The following KCNJ14 variants were observed in gnomAD, a reference collection of about 807,000 sequenced individuals.
KCNJ14 encodes potassium inwardly rectifying channel subfamily J member 14.
In KCNJ14, 18 loss-of-function variants were observed where a neutral mutation model predicts 24.5. The observed-to-expected ratio is 0.74, with a 90% CI of 0.51 to 1.09. The LOEUF (loss-of-function observed/expected upper bound fraction) is 1.09. KCNJ14 is among the 50% of genes least tolerant of loss of function. The pLI is 0.00. For synonymous variants in KCNJ14, 288 were observed against 270.8 expected, an observed-to-expected ratio of 1.06 and a Z score of -0.63; for missense variants, 633 against 623.0, an observed-to-expected ratio of 1.02 and a Z score of -0.17.
At chr19:48,457,392 G>A (rs545735653) in intron 1 of KCNJ14, among the ~76,000 whole-genome samples, 12 of 152,326 alleles carry the variant, frequency 7.9e-5, no homozygotes, top group African/African-American at 2.9e-4. Context: ...AAAGAAGCCA[G>A]AGATCCCAGG....
At position 48,466,014 on chromosome 19, in the gene KCNJ14, G is replaced by A. The variant is rs1971651332; in HGVS notation, c.*1237G>A. On this transcript the variant is annotated 3_prime_UTR_variant, in exon 3 of 3. Coordinates refer to ENST00000342291, the MANE Select transcript of KCNJ14 (RefSeq NM_013348.4). ...TGGACAAGGGAAGGGGGAGGCCCAGGGCTGGTGAGTCTAGAATGCTCTGGA... is the reference window on the plus strand; with the variant it reads ...TGGACAAGGGAAGGGGGAGGCCCAGAGCTGGTGAGTCTAGAATGCTCTGGA... 6.6e-6 allele frequency: 1 copy of A among 152,346 alleles called. No individual in the cohort carries two copies. The allele number at this position is 152,346 out of a possible 1,614,324, so 9.4% of individuals were successfully genotyped here.
rs774201345 is a variant in KCNJ14, at chr19:48,462,444, C to G, written c.714+6C>G. 4.8e-6 allele frequency: 7 copies of G among 1,462,286 alleles called. No individual in the cohort carries two copies. In the South Asian group the frequency reaches 9.9e-5, roughly 21 times the overall value. The allele number at this position is 1,462,286 out of a possible 1,614,324, so 90.6% of individuals were successfully genotyped here. A position where few individuals can be genotyped will look rare whatever the true frequency, so the allele number is the denominator to read the frequency against. On this transcript the variant is annotated splice_donor_region_variant and intron_variant, in intron 2 of 2. Coordinates refer to ENST00000342291, the MANE Select transcript of KCNJ14 (RefSeq NM_013348.4). This position sits in a 1 kb window ranked among gnomAD's most constrained non-coding sequence, Gnocchi z 4.9. ...TGCGTGCCCAGCTGCTGCAGGTGCG[C>G]CCGGGAGGAGAGGCGGGGACTTCCG...
rs375395301 is a variant in KCNJ14, at chr19:48,464,793, C to G, written c.*16C>G. The G allele has an allele frequency of 1.5e-4, 235 of 1,568,736 alleles. 1 individual carries two copies. Among genetic ancestry groups the G allele is most frequent in the Non-Finnish European group, 1.9e-4 (215 of 1,152,388 alleles). Reference sequence around the variant, plus strand: ...GCCTCCATGATGCAAACTGATGTCCCCTTCCCCGTGTATGCCCCCTTCCCC... The same window carrying G: ...GCCTCCATGATGCAAACTGATGTCCGCTTCCCCGTGTATGCCCCCTTCCCC... On this transcript the variant is annotated 3_prime_UTR_variant, in exon 3 of 3. Coordinates refer to ENST00000342291, the MANE Select transcript of KCNJ14 (RefSeq NM_013348.4).
rs1404805059 is a variant in KCNJ14, at chr19:48,461,752, C to G, written c.28C>G (p.Leu10Val). The G allele has an allele frequency of 2.1e-6, 3 of 1,441,582 alleles. No individual in the cohort carries two copies. The allele number at this position is 1,441,582 out of a possible 1,614,324, so 89.3% of individuals were successfully genotyped here. Residue 10 changes from leucine to valine, a missense_variant, in exon 2 of 3, where the codon CTC becomes GTC. Physicochemically the swap from Leu to Val is conservative, Grantham distance 32 (BLOSUM62 1). Coordinates refer to ENST00000342291, the MANE Select transcript of KCNJ14 (RefSeq NM_013348.4). MGLARALRR[L>V]SGALDSGDSR... ...GGGCCTGGCCAGGGCCCTACGCCGC[C>G]TCAGCGGCGCCCTGGATTCGGGAGA...
At chr19:48,461,538 A>G (rs957617809) in intron 1 of KCNJ14, 132 bp from the exon 2 acceptor site, 1 of 389,146 alleles carries the variant, frequency 2.6e-6, no homozygotes. Flanking sequence ...CAAAAAAAAA[A>G]AAAAAAAAAA....
chr19:48,461,943 C>T lies in KCNJ14; in HGVS notation c.219C>T (p.Tyr73=), dbSNP rs550685948. ...ACCTGGGTGGCCAGGGCGCGCGCTA[C>T]CTGAGCGACCTGTTCACCACATGCG... ...FVNLGGQGAR[Y]LSDLFTTCVD... is the part of the protein sequence containing the mutation. Residue 73 remains tyrosine, a synonymous_variant, in exon 2 of 3, where the codon TAC becomes TAT. Transcript: ENST00000342291. 3.7e-6 allele frequency: 6 copies of T among 1,612,580 alleles called. No individual in the cohort carries two copies. The highest frequency in any genetic ancestry group is 4.5e-5 in the East Asian group (2 of 44,848).
chr19:48,462,406 G>T lies in KCNJ14; in HGVS notation c.682G>T (p.Val228Phe), dbSNP rs781660850. The T allele has an allele frequency of 2.0e-6, 3 of 1,509,094 alleles. No individual in the cohort carries two copies. The highest frequency in any genetic ancestry group is 1.8e-6 in the Non-Finnish European group (2 of 1,123,504). The allele number at this position is 1,509,094 out of a possible 1,614,324, so 93.5% of individuals were successfully genotyped here. ...RVGNLRRSHL[V>F]EAHVRAQLLQ... ...CGGCAACCTGCGCCGCAGCCACCTGGTCGAGGCCCACGTGCGTGCCCAGCT... is the reference window on the plus strand; with the variant it reads ...CGGCAACCTGCGCCGCAGCCACCTGTTCGAGGCCCACGTGCGTGCCCAGCT... Residue 228 changes from valine (V) to phenylalanine (F), a missense_variant, in exon 2 of 3, where the codon GTC becomes TTC. By Grantham distance (50) the Val-to-Phe change is conservative. Coordinates refer to ENST00000342291, the MANE Select transcript of KCNJ14 (RefSeq NM_013348.4). This position sits in a 1 kb window ranked among gnomAD's most constrained non-coding sequence, Gnocchi z 4.9.
rs139435717 is a variant in KCNJ14 at position 48,458,318 on chromosome 19, A to G, written c.-56+2460A>G. 3.3e-5 allele frequency among the ~76,000 whole-genome samples: 5 copies of G among 152,318 alleles called. No homozygotes were observed. The East Asian group carries it at 9.6e-4, about 29-fold the overall frequency. On this transcript the variant is annotated intron_variant, in intron 1 of 2. Transcript: ENST00000342291. ...TCATTCCCCACAGCAGTGTATGAGG[A>G]TGCCAATTTCTCCACATTCTCGCCA...
intron 1 of KCNJ14, among the ~76,000 whole-genome samples, chr19:48,460,903 C>A (rs537254425): frequency 6.6e-6 from 1 of 152,010 alleles, no homozygotes; most frequent in African/African-American, 2.4e-5. Context: ...GGCCTGTAAT[C>A]CCAGCACTTG....
chr19:48,459,020 C>T (rs1462084020), intron 1 of KCNJ14, among the ~76,000 whole-genome samples: 1 of 147,198 alleles, frequency 6.8e-6, no homozygotes, highest in African/African-American at 2.5e-5. Context: ...ACAGGCGGAT[C>T]ACGAGGTCAG....
At position 48,462,220 on chromosome 19, in the gene KCNJ14, G is replaced by A. The variant is rs1490724128; in HGVS notation, c.496G>A (p.Val166Met). The change falls in exon 2 of 3, where the codon GTG (valine) becomes ATG (methionine). Residue 166 changes from valine to methionine, a missense_variant. Transcript: ENST00000342291. The surrounding 1 kb of genome is among the most constrained non-coding windows in gnomAD (Gnocchi z 4.9). ...TEECPAAVAA[V>M]VLQCIAGCVL... Reference sequence around the variant, plus strand: ...GGAGTGCCCGGCCGCTGTGGCCGCCGTGGTGCTGCAGTGCATTGCCGGCTG... The same window carrying A: ...GGAGTGCCCGGCCGCTGTGGCCGCCATGGTGCTGCAGTGCATTGCCGGCTG... 3.2e-6 allele frequency: 5 copies of A among 1,552,450 alleles called. No individual in the cohort carries two copies. Among genetic ancestry groups the A allele is most frequent in the South Asian group, 1.2e-5 (1 of 84,510 alleles).
intron 2 of KCNJ14, among the ~76,000 whole-genome samples, chr19:48,463,863 C>T (rs1052422993): frequency 2.6e-5 from 4 of 152,058 alleles, no homozygotes; most frequent in South Asian, 2.1e-4. Context: ...CCCCTCTTCC[C>T]GTTTTCTACC....
Position 48,461,808 on chromosome 19 carries a change from G to C in KCNJ14, c.84G>C (p.Gly28=). 3.3e-6 allele frequency: 5 copies of C among 1,493,196 alleles called. No homozygotes were observed. The highest frequency in any genetic ancestry group is 4.4e-6 in the Non-Finnish European group (5 of 1,124,254). 92.5% of individuals were successfully genotyped at this position (1,493,196 alleles called of 1,614,324 possible). A position where few individuals can be genotyped will look rare whatever the true frequency, so the allele number is the denominator to read the frequency against. Residue 28 remains glycine, a synonymous_variant, in exon 2 of 3, where the codon GGG becomes GGC. Coordinates refer to ENST00000342291, the MANE Select transcript of KCNJ14 (RefSeq NM_013348.4). ...GGGCGGGCGATGAAGAGGAGGCCGG[G>C]CCCGGGTTGTGCCGCAACGGGTGGG... The part of the protein sequence containing the change: ...DSRAGDEEEA[G]PGLCRNGWAP...
In KCNJ14 at chr19:48,462,987, C is replaced by T. The variant is rs908835027; in HGVS notation, c.714+549C>T. On this transcript the variant is annotated intron_variant, in intron 2 of 2. Transcript: ENST00000342291. This position sits in a 1 kb window ranked among gnomAD's most constrained non-coding sequence, Gnocchi z 4.9. ...TCTCCAGGCCTCTAGGTGTGGGGTCCTGCGGCATCTGTGGGAGAATTCATT... is the reference window on the plus strand; with the variant it reads ...TCTCCAGGCCTCTAGGTGTGGGGTCTTGCGGCATCTGTGGGAGAATTCATT... Among the ~76,000 whole-genome samples the T allele has an allele frequency of 1.3e-5, 2 of 152,178 alleles. No homozygotes were observed. Among genetic ancestry groups the T allele is most frequent in the African/African-American group, 2.4e-5 (1 of 41,450 alleles).
intron 1 of KCNJ14, among the ~76,000 whole-genome samples, chr19:48,460,864 GGTGA>G (rs761859562): frequency 2.6e-5 from 4 of 152,110 alleles, no homozygotes; most frequent in Non-Finnish European, 5.9e-5. Flanking sequence ...CAACTTGGAA[GGTGA>G]GTATGGGCCA....
rs1032306591 is a variant in KCNJ14, at chr19:48,464,301, G to A, written c.835G>A (p.Asp279Asn). The change falls in exon 3 of 3, where the codon GAC becomes AAC. Residue 279 changes from aspartate to asparagine, a missense_variant. Asp to Asn is a conservative substitution (Grantham distance 23). Coordinates refer to ENST00000342291, the MANE Select transcript of KCNJ14 (RefSeq NM_013348.4). ...CCCCATCACCATCGTCCATGAGATC[G>A]ACTCTGCCAGTCCTCTGTATGAGCT... is the stretch of plus-strand genomic sequence containing the variant. ...VSPITIVHEI[D>N]SASPLYELGR... 18 of 1,613,872 alleles carry A rather than the reference G, an allele frequency of 1.1e-5. No individual in the cohort carries two copies. In the East Asian group the frequency reaches 1.8e-4, roughly 16 times the overall value.
Position 48,461,953 on chromosome 19 carries a change from C to T in KCNJ14, c.229C>T (p.Leu77=), listed in dbSNP as rs759165088. ...CCAGGGCGCGCGCTACCTGAGCGAC[C>T]TGTTCACCACATGCGTGGACGTGCG... ...GGQGARYLSD[L]FTTCVDVRWR... Residue 77 remains leucine, a synonymous_variant, in exon 2 of 3, where the codon CTG becomes TTG. Coordinates refer to ENST00000342291, the MANE Select transcript of KCNJ14 (RefSeq NM_013348.4). 9.9e-6 allele frequency: 16 copies of T among 1,612,958 alleles called. No homozygotes were observed. Among genetic ancestry groups the T allele is most frequent in the Non-Finnish European group, 1.4e-5 (16 of 1,179,584 alleles).
At position 48,466,751 on chromosome 19, in the gene KCNJ14, G is replaced by A. The variant is rs566015280; in HGVS notation, c.*1974G>A. 5.3e-5 allele frequency: 8 copies of A among 152,374 alleles called. No individual in the cohort carries two copies. The highest frequency in any genetic ancestry group is 1.9e-4 in the African/African-American group (8 of 41,562). The allele number at this position is 152,374 out of a possible 1,614,324, so 9.4% of individuals were successfully genotyped here. A position where few individuals can be genotyped will look rare whatever the true frequency, so the allele number is the denominator to read the frequency against. ...AGTGCTGGATCATACGGCCTTCCAG[G>A]AGACGCTGGGATGTAAGATACTCTT... On this transcript the variant is annotated 3_prime_UTR_variant, in exon 3 of 3. Transcript: ENST00000342291.
rs146487493 is a variant in KCNJ14 at position 48,464,806 on chromosome 19, T to C, written c.*29T>C. 2.5e-4 allele frequency: 371 copies of C among 1,514,176 alleles called. 1 individual carries two copies. In the African/African-American group the frequency reaches 4.5e-3, roughly 18 times the overall value. 93.8% of individuals were successfully genotyped at this position (1,514,176 alleles called of 1,614,324 possible). A position where few individuals can be genotyped will look rare whatever the true frequency, so the allele number is the denominator to read the frequency against. ...AAACTGATGTCCCCTTCCCCGTGTA[T>C]GCCCCCTTCCCCAAGGTAGCAAGAT... On this transcript the variant is annotated 3_prime_UTR_variant, in exon 3 of 3. Transcript: ENST00000342291.
Sources: allele counts gnomAD v4.1 joint callset (sites outside exome capture counted in the v4.1 genomes callset), GRCh38; gene constraint gnomAD v4.1.1; non-coding constraint Gnocchi (gnomAD v3.1); transcripts MANE v1.5; gene names NCBI Gene and HGNC (gene_info 2026-07-23, HGNC 2026-07-21).